The following WWC1 variants were observed in gnomAD, a reference collection of about 807,000 sequenced individuals.
WWC1 encodes the protein protein KIBRA.
WWC1 carries 55 observed loss-of-function variants against 138.4 expected under a neutral mutation model. The observed-to-expected ratio is 0.40, with a 90% CI of 0.32 to 0.50. The LOEUF (loss-of-function observed/expected upper bound fraction) is 0.50, where lower values mean the gene tolerates loss of function less well. WWC1 is among the 20% of genes least tolerant of loss of function. The probability of loss-of-function intolerance (pLI) is 0.72; values close to 1 mark genes in which losing one functional copy is unlikely to be tolerated. For missense variants in WWC1, 1,226 were observed against 1,420.4 expected, an observed-to-expected ratio of 0.86 and a Z score of 2.20; for synonymous variants, 524 against 564.9, an observed-to-expected ratio of 0.93 and a Z score of 1.03.
chr5:168,312,211 C>T (rs1334771161), intron 1 of WWC1, among the ~76,000 whole-genome samples: 2 of 135,762 alleles, frequency 1.5e-5, no homozygotes, highest in Admixed American at 7.7e-5. Context: ...AACGAGACGC[C>T]GTCTCAAAAA....
chr5:168,394,902 CTCAA>C (rs906395955), intron 3 of WWC1, among the ~76,000 whole-genome samples: 11 of 152,090 alleles, frequency 7.2e-5, no homozygotes, highest in African/African-American at 2.7e-4. Context: ...TATTTTTTAC[CTCAA>C]TCAAACATTT....
intron 1 of WWC1, among the ~76,000 whole-genome samples, chr5:168,298,125 A>G (rs942893637): frequency 9.9e-5 from 15 of 152,094 alleles, no homozygotes; most frequent in African/African-American, 3.6e-4. Flanking sequence ...TGCAACCTCT[A>G]CTTCCCGGGT....
chr5:168,329,764 G>T (rs1040232083), intron 1 of WWC1, among the ~76,000 whole-genome samples: 6 of 152,086 alleles, frequency 3.9e-5, no homozygotes, highest in African/African-American at 1.4e-4. Flanking sequence ...TAATTCAAAG[G>T]GTAGAAAGAT....
In WWC1 at chr5:168,399,492, A is replaced by G; in HGVS notation, c.515A>G (p.Asn172Ser). The change falls in exon 5 of 23, where the codon AAC becomes AGC. Residue 172 changes from asparagine to serine, a missense_variant. Physicochemically the swap from Asn to Ser is conservative, Grantham distance 46 (BLOSUM62 1). Around this residue, in one of 3 missense-constraint regions of WWC1, gnomAD observed 1,016 missense variants for 1,153.9 expected, o/e 0.88. Coordinates refer to ENST00000265293, the MANE Select transcript of WWC1 (RefSeq NM_015238.3). Reference protein sequence around the residue: ...AEIATAKSRVNKLKREMVHLQ... With the variant: ...AEIATAKSRVSKLKREMVHLQ... ...GTGTGGTCTGCTGCCCTCCAGGTCA[A>G]CAAGCTGAAGAGAGAGATGGTTCAC... is the stretch of plus-strand genomic sequence containing the variant. 6.2e-7 allele frequency: 1 copy of G among 1,614,126 alleles called. No homozygotes were observed. Among genetic ancestry groups the G allele is most frequent in the Non-Finnish European group, 8.5e-7 (1 of 1,180,022 alleles).
At chr5:168,341,195 C>T (rs1370339885) in intron 1 of WWC1, among the ~76,000 whole-genome samples, 1 of 152,122 alleles carries the variant, frequency 6.6e-6, no homozygotes, top group African/African-American at 2.4e-5. Context: ...GGCAGGTAGA[C>T]CAATGGGCTA....
At chr5:168,351,803 C>T (rs1774983116) in intron 1 of WWC1, among the ~76,000 whole-genome samples, 1 of 152,168 alleles carries the variant, frequency 6.6e-6, no homozygotes, top group African/African-American at 2.4e-5. Context: ...TGCCGCCTGC[C>T]CACTCTGGGT....
intron 16 of WWC1, among the ~76,000 whole-genome samples, 170 bp from the exon 17 acceptor site, chr5:168,444,324 G>T (rs370428337): frequency 2.0e-5 from 3 of 152,212 alleles, no homozygotes; most frequent in African/African-American, 7.2e-5. Flanking sequence ...AGGAATTAAG[G>T]ACAATTTTTC....
At chr5:168,449,499 C>A (rs1001879707) in intron 17 of WWC1, among the ~76,000 whole-genome samples, 2 of 150,838 alleles carry the variant, frequency 1.3e-5, no homozygotes, top group African/African-American at 2.4e-5. Flanking sequence ...AAATACTGGT[C>A]AATGTGGCTT....
At chr5:168,419,883 G>T (rs1006497325) in intron 9 of WWC1, among the ~76,000 whole-genome samples, 1 of 152,200 alleles carries the variant, frequency 6.6e-6, no homozygotes, top group African/African-American at 2.4e-5. Context: ...AAAGCCAGAG[G>T]TCTCTTCCAA....
intron 3 of WWC1, among the ~76,000 whole-genome samples, chr5:168,385,928 G>A (rs891309820): frequency 2.6e-5 from 4 of 152,002 alleles, no homozygotes; most frequent in African/African-American, 9.7e-5. Flanking sequence ...ACAGCCCTCC[G>A]TGGTCAGGCC....
Position 168,371,440 on chromosome 5 carries a change from A to G in WWC1, c.136A>G (p.Thr46Ala). The change falls in exon 2 of 23, where the codon ACC (threonine) becomes GCC (alanine). Residue 46 changes from threonine to alanine, a missense_variant. This residue lies in a region of WWC1 where 1,016 missense variants were observed against 1,153.9 expected (regional missense o/e 0.88). Transcript: ENST00000265293. ...CCTTGCCAGGTACACCAAACCGCTCACCTTTGCTGACTGCATTAGTGATGA... is the reference window on the plus strand; with the variant it reads ...CCTTGCCAGGTACACCAAACCGCTCGCCTTTGCTGACTGCATTAGTGATGA... ...DPRDRYTKPL[T>A]FADCISDELP... The G allele has an allele frequency of 6.2e-7, 1 of 1,613,972 alleles. No homozygotes were observed. Among genetic ancestry groups the G allele is most frequent in the South Asian group, 1.1e-5 (1 of 91,056 alleles).
chr5:168,323,533 C>G (rs1334646951), intron 1 of WWC1, among the ~76,000 whole-genome samples: 1 of 151,840 alleles, frequency 6.6e-6, no homozygotes, highest in South Asian at 2.1e-4. Flanking sequence ...GGCAACAGAA[C>G]GAGTGAGACC....
chr5:168,364,009 A>G (rs1776095114), intron 1 of WWC1, among the ~76,000 whole-genome samples: 1 of 152,154 alleles, frequency 6.6e-6, no homozygotes, highest in Non-Finnish European at 1.5e-5. Context: ...CACAACGCGC[A>G]GAACTCTCTG....
intron 3 of WWC1, among the ~76,000 whole-genome samples, chr5:168,395,310 C>T (rs571626129): frequency 1.2e-4 from 18 of 152,316 alleles, no homozygotes; most frequent in African/African-American, 4.3e-4. Context: ...TCCCCCGCTC[C>T]GCCCCACACC....
chr5:168,440,797 G>A (rs1211818835), intron 15 of WWC1, among the ~76,000 whole-genome samples: 5 of 152,146 alleles, frequency 3.3e-5, no homozygotes, highest in African/African-American at 2.4e-5. Flanking sequence ...GATTACAGGC[G>A]TGAGCCACCG....
chr5:168,329,152 C>T (rs528288643), intron 1 of WWC1, among the ~76,000 whole-genome samples: 2 of 152,314 alleles, frequency 1.3e-5, no homozygotes, highest in Middle Eastern at 3.4e-3. Flanking sequence ...AAAGTCCTAT[C>T]GGAGAGCTTC....
chr5:168,312,175 C>T (rs1009043899), intron 1 of WWC1, among the ~76,000 whole-genome samples: 2 of 151,974 alleles, frequency 1.3e-5, no homozygotes, highest in African/African-American at 4.8e-5. Context: ...CGAGATTGCA[C>T]CATTACACTC....
intron 1 of WWC1, among the ~76,000 whole-genome samples, chr5:168,306,266 C>G (rs1770555487): frequency 6.6e-6 from 1 of 152,078 alleles, no homozygotes; most frequent in South Asian, 2.1e-4. Flanking sequence ...TGTAGTGGCA[C>G]ACTCCTGTAA....
chr5:168,360,763 G>A (rs1038457841), intron 1 of WWC1, among the ~76,000 whole-genome samples: 27 of 152,358 alleles, frequency 1.8e-4, no homozygotes, highest in South Asian at 6.2e-4. Context: ...AAGTCAGACA[G>A]GATCTCAGAA....
Sources: gnomAD v4.1 joint callset for allele counts (sites outside exome capture counted in the v4.1 genomes callset) on GRCh38, gnomAD v4.1.1 for gene constraint, gnomAD v4.1.1 regional missense constraint, MANE v1.5 for transcripts, NCBI Gene and HGNC (gene_info 2026-07-23, HGNC 2026-07-21) for gene names.